HIBCH: variants seen among roughly 807,000 people sequenced by gnomAD.
The protein encoded by HIBCH is 3-hydroxyisobutyryl-CoA hydrolase.
A neutral mutation model predicts 58.2 loss-of-function variants in HIBCH; 50 were observed. The observed-to-expected ratio is 0.86, with a 90% CI of 0.68 to 1.09. HIBCH has a LOEUF of 1.09. HIBCH is among the 50% of genes least tolerant of loss of function. The pLI, the probability that HIBCH is intolerant of heterozygous loss-of-function variation, is 0.00. For missense variants in HIBCH, 450 were observed against 449.7 expected (o/e 1.00, Z -0.01); for synonymous variants, 151 against 146.9 (o/e 1.03, Z -0.20).
At chr2:190,276,123 A>G (rs1373463273) in intron 6 of HIBCH, among the ~76,000 whole-genome samples, 1 of 152,194 alleles carries the variant, frequency 6.6e-6, no homozygotes, top group Non-Finnish European at 1.5e-5. Flanking sequence ...GCACAAGCAG[A>G]CTGGTCAAGA....
Position 190,210,059 on chromosome 2 carries a change from T to A in HIBCH, c.1012-1146A>T, listed in dbSNP as rs1187845950. Among the ~76,000 whole-genome samples the A allele has an allele frequency of 6.6e-6, 1 of 152,194 alleles. No individual in the cohort carries two copies. Among genetic ancestry groups the A allele is most frequent in the Non-Finnish European group, 1.5e-5 (1 of 68,036 alleles). ...TCATTTTTAAACATGTTCTAGTACC[T>A]TCCATCTTACAAAATAAAAAAGGAA... is the stretch of plus-strand genomic sequence containing the variant. On this transcript the variant is annotated intron_variant, in intron 12 of 13. Coordinates refer to ENST00000359678, the MANE Select transcript of HIBCH (RefSeq NM_014362.4). The surrounding 1 kb of genome is among the most constrained non-coding windows in gnomAD (Gnocchi z 5.5).
chr2:190,199,777 C>T, downstream of HIBCH: 2 of 1,555,904 alleles, frequency 1.3e-6, no homozygotes, highest in Admixed American at 1.9e-5. Context: ...TGGTCAACAT[C>T]ACATGGACAA....
intron 7 of HIBCH, among the ~76,000 whole-genome samples, chr2:190,259,321 G>GTA (rs1559038900): frequency 2.9e-5 from 2 of 68,288 alleles, no homozygotes; most frequent in African/African-American, 1.5e-4. Context: ...GTATACAGAT[G>GTA]TGTGTGTGTG....
intron 5 of HIBCH, among the ~76,000 whole-genome samples, chr2:190,290,067 C>A: frequency 6.6e-6 from 1 of 152,140 alleles, no homozygotes; most frequent in Non-Finnish European, 1.5e-5. Flanking sequence ...TTAGTAGAGA[C>A]GGGGTTTCAG....
At chr2:190,233,546 A>G (rs774015471) in intron 11 of HIBCH, among the ~76,000 whole-genome samples, 1 of 152,224 alleles carries the variant, frequency 6.6e-6, no homozygotes, top group Admixed American at 6.5e-5. Context: ...CCCAGCCTCA[A>G]TGAAATATAA....
At chr2:190,272,257 G>A (rs1003251565) in intron 6 of HIBCH, among the ~76,000 whole-genome samples, 54 of 152,196 alleles carry the variant, frequency 3.5e-4, no homozygotes, top group African/African-American at 1.2e-3. Flanking sequence ...TATCACCAGA[G>A]CCCAACCAGT....
intron 11 of HIBCH, among the ~76,000 whole-genome samples, chr2:190,233,411 C>T (rs745852930): frequency 3.3e-5 from 5 of 152,072 alleles, no homozygotes; most frequent in Admixed American, 6.6e-5. Context: ...TTTCCCATGC[C>T]GTTCTCATGA....
chr2:190,284,966 C>G (rs1198571507), intron 6 of HIBCH, among the ~76,000 whole-genome samples: 1 of 152,070 alleles, frequency 6.6e-6, no homozygotes, highest in Non-Finnish European at 1.5e-5. Flanking sequence ...CTTATCACTC[C>G]TTTGTTGGGT....
At chr2:190,249,893 T>C (rs1386045621) in intron 8 of HIBCH, among the ~76,000 whole-genome samples, 167 bp from the exon 9 acceptor site, 3 of 152,208 alleles carry the variant, frequency 2.0e-5, no homozygotes, top group African/African-American at 7.2e-5. Flanking sequence ...TGAACAGGTA[T>C]TCCCACACAG....
At chr2:190,244,996 C>T (rs1434086031) in intron 10 of HIBCH, 28 bp from the exon 11 acceptor site, 4 of 1,347,336 alleles carry the variant, frequency 3.0e-6, no homozygotes, top group Admixed American at 3.4e-5. Flanking sequence ...GTGATTTCAC[C>T]AATGTGTAAG....
At chr2:190,297,395 G>T (rs1334257078) in intron 2 of HIBCH, among the ~76,000 whole-genome samples, 1 of 152,218 alleles carries the variant, frequency 6.6e-6, no homozygotes. Flanking sequence ...CAAGAAAAAG[G>T]GGAGGTGAGA....
chr2:190,297,801 A>G (rs907571464), intron 2 of HIBCH, among the ~76,000 whole-genome samples: 11 of 152,178 alleles, frequency 7.2e-5, no homozygotes, highest in Non-Finnish European at 1.6e-4. Context: ...GGTTTGTTAC[A>G]TAGGTATACA....
chr2:190,318,101 C>T (rs1392200322), intron 1 of HIBCH, among the ~76,000 whole-genome samples: 1 of 152,056 alleles, frequency 6.6e-6, no homozygotes, highest in African/African-American at 2.4e-5. Context: ...GCTGGGATTA[C>T]AGGTGTGAGC....
rs1482382262 is a variant in HIBCH at position 190,209,873 on chromosome 2, T to A, written c.1012-960A>T. 6.6e-6 allele frequency among the ~76,000 whole-genome samples: 1 copy of A among 152,216 alleles called. No individual in the cohort carries two copies. The highest frequency in any genetic ancestry group is 1.5e-5 in the Non-Finnish European group (1 of 68,038). Reference sequence around the variant, plus strand: ...TATGTGACCTCGGACTAGTAATTTCTCCAACCCTAGTTTCTTTACATGAAA... The same window carrying A: ...TATGTGACCTCGGACTAGTAATTTCACCAACCCTAGTTTCTTTACATGAAA... On this transcript the variant is annotated intron_variant, in intron 12 of 13. Transcript: ENST00000359678. This position sits in a 1 kb window ranked among gnomAD's most constrained non-coding sequence, Gnocchi z 5.6.
chr2:190,266,663 G>A (rs1260849225), intron 6 of HIBCH, among the ~76,000 whole-genome samples: 3 of 147,380 alleles, frequency 2.0e-5, no homozygotes, highest in Non-Finnish European at 4.5e-5. Context: ...CAAACTCTAG[G>A]CTCCAGGTGA....
chr2:190,257,808 C>T (rs1686970861), intron 7 of HIBCH, among the ~76,000 whole-genome samples: 7 of 152,136 alleles, frequency 4.6e-5, no homozygotes, highest in Admixed American at 4.6e-4. Flanking sequence ...GGGCTGAAGT[C>T]ATCCCTGTAT....
At chr2:190,314,640 G>T (rs1003235688) in intron 1 of HIBCH, among the ~76,000 whole-genome samples, 1 of 151,618 alleles carries the variant, frequency 6.6e-6, no homozygotes, top group South Asian at 2.1e-4. Context: ...CACCACACCC[G>T]GCTTATTTTT....
intron 1 of HIBCH, among the ~76,000 whole-genome samples, chr2:190,198,631 C>CAAAAA (rs35125102): frequency 4.3e-5 from 3 of 70,588 alleles, no homozygotes; most frequent in African/African-American, 1.1e-4. Flanking sequence ...GACCCTGTCT[C>CAAAAA]AAAAAAAAAA....
intron 2 of HIBCH, among the ~76,000 whole-genome samples, chr2:190,305,461 G>A (rs751625850): frequency 5.3e-5 from 8 of 152,096 alleles, no homozygotes; most frequent in Non-Finnish European, 8.8e-5. Context: ...ACATTATCCT[G>A]TGTACATGAC....
Sources: gnomAD v4.1 joint callset for allele counts (sites outside exome capture counted in the v4.1 genomes callset) on GRCh38, gnomAD v4.1.1 for gene constraint, Gnocchi (gnomAD v3.1) non-coding constraint, MANE v1.5 for transcripts, NCBI Gene and HGNC (gene_info 2026-07-23, HGNC 2026-07-21) for gene names.